SPAG16: variants seen among roughly 807,000 people sequenced by gnomAD.
The protein encoded by SPAG16 is sperm-associated antigen 16 protein.
In SPAG16, 86 loss-of-function variants were observed where a neutral mutation model predicts 80.4. That is an observed-to-expected ratio of 1.07 (90% CI 0.90 to 1.28). The LOEUF is 1.28. Ranked by LOEUF, SPAG16 falls within the 50% of genes most tolerant of loss-of-function variation. The probability of loss-of-function intolerance (pLI) is 0.00; values close to 1 mark genes in which losing one functional copy is unlikely to be tolerated. For missense variants in SPAG16, 870 were observed against 765.3 expected (o/e 1.14, Z -1.61); for synonymous variants, 294 against 265.9 (o/e 1.11, Z -1.03).
intron 15 of SPAG16, among the ~76,000 whole-genome samples, chr2:214,332,384 T>G (rs1312726291): frequency 1.3e-5 from 2 of 152,250 alleles, no homozygotes; most frequent in African/African-American, 4.8e-5. Flanking sequence ...CACACACAGC[T>G]CTGTTCCTGG....
chr2:213,933,117 A>G (rs1318319994), intron 12 of SPAG16, among the ~76,000 whole-genome samples: 1 of 152,188 alleles, frequency 6.6e-6, no homozygotes, highest in Non-Finnish European at 1.5e-5. Flanking sequence ...CATTTAAACT[A>G]CAATATAATT....
At chr2:213,699,451 G>C (rs2065308601) in intron 10 of SPAG16, among the ~76,000 whole-genome samples, 2 of 152,110 alleles carry the variant, frequency 1.3e-5, no homozygotes, top group Non-Finnish European at 2.9e-5. Context: ...ACTAAAGACA[G>C]CCCTAGAAAA....
rs566732615 is a variant in SPAG16 at position 213,300,829 on chromosome 2, T to C, written c.279+3472T>C. On this transcript the variant is annotated intron_variant, in intron 3 of 15. Coordinates refer to ENST00000331683, the MANE Select transcript of SPAG16 (RefSeq NM_024532.5). ...GTCTGGAGTACTCAATAATTTTTAA[T>C]AGTATAAAGTGTTGCGAGAACATAA... Among the ~76,000 whole-genome samples, 10 of 152,268 alleles carry C rather than the reference T, an allele frequency of 6.6e-5. No homozygotes were observed. In the East Asian group the frequency reaches 1.3e-3, roughly 21 times the overall value.
chr2:214,372,742 G>C (rs190849433), intron 15 of SPAG16, among the ~76,000 whole-genome samples: 51 of 152,196 alleles, frequency 3.4e-4, no homozygotes, highest in African/African-American at 1.2e-3. Flanking sequence ...CTTGATAAAA[G>C]GATTAAGGAA....
rs560946317 is a variant in SPAG16 at position 213,753,159 on chromosome 2, C to A, written c.1071-109326C>A. Among the ~76,000 whole-genome samples the A allele has an allele frequency of 2.0e-5, 3 of 152,192 alleles. No homozygotes were observed. The South Asian group carries it at 6.2e-4, about 32-fold the overall frequency. On this transcript the variant is annotated intron_variant, in intron 10 of 15. Coordinates refer to ENST00000331683, the MANE Select transcript of SPAG16 (RefSeq NM_024532.5). ...TCCCGAGTAGCTGGGACTACAGGTG[C>A]CCGTCACCACGCCCGGCTAATTTTT... is the stretch of plus-strand genomic sequence containing the variant.
At chr2:214,328,636 A>G (rs890767698) in intron 15 of SPAG16, among the ~76,000 whole-genome samples, 3 of 152,228 alleles carry the variant, frequency 2.0e-5, no homozygotes, top group Admixed American at 6.5e-5. Flanking sequence ...CTCAAATTCT[A>G]TCTATCTTTA....
intron 11 of SPAG16, among the ~76,000 whole-genome samples, chr2:213,876,053 G>T (rs2076128918): frequency 6.6e-6 from 1 of 151,950 alleles, no homozygotes; most frequent in Non-Finnish European, 1.5e-5. Flanking sequence ...CTTTGATGAA[G>T]AAAATAAGAA....
At chr2:213,832,975 T>C (rs944503466) in intron 10 of SPAG16, among the ~76,000 whole-genome samples, 2 of 152,164 alleles carry the variant, frequency 1.3e-5, no homozygotes, top group Non-Finnish European at 2.9e-5. Context: ...AATTCTGCTA[T>C]GAAATTTGTA....
intron 9 of SPAG16, among the ~76,000 whole-genome samples, chr2:213,440,109 T>TTGTG (rs61263090): frequency 6.6e-6 from 1 of 151,650 alleles, no homozygotes; most frequent in African/African-American, 2.4e-5. Flanking sequence ...TCCTGCAGTT[T>TTGTG]TGTGTGTGTG....
At chr2:214,247,917 A>G (rs1342996500) in intron 15 of SPAG16, among the ~76,000 whole-genome samples, 1 of 151,976 alleles carries the variant, frequency 6.6e-6, no homozygotes, top group East Asian at 1.9e-4. Context: ...AATCCAAGCT[A>G]CTCAGGATGC....
chr2:214,070,950 T>C (rs543138176), intron 13 of SPAG16, among the ~76,000 whole-genome samples: 11 of 152,192 alleles, frequency 7.2e-5, no homozygotes, highest in African/African-American at 2.6e-4. Flanking sequence ...AAAATATGGC[T>C]GAGTCAACTA....
intron 13 of SPAG16, among the ~76,000 whole-genome samples, chr2:214,017,444 T>C (rs560029333): frequency 6.6e-6 from 1 of 152,266 alleles, no homozygotes; most frequent in African/African-American, 2.4e-5. Context: ...CAAGGTTTTT[T>C]TCTCTCTCTC....
chr2:213,445,177 T>C (rs2071216893), intron 9 of SPAG16, among the ~76,000 whole-genome samples: 1 of 152,068 alleles, frequency 6.6e-6, no homozygotes, highest in African/African-American at 2.4e-5. Flanking sequence ...CTAAAAATCT[T>C]CTGCGCAACA....
intron 9 of SPAG16, among the ~76,000 whole-genome samples, chr2:213,419,313 TATTTGTACAC>T (rs2069452743): frequency 6.6e-6 from 1 of 152,210 alleles, no homozygotes; most frequent in Non-Finnish European, 1.5e-5. Context: ...GTTTTCTTTG[TATTTGTACAC>T]ATTTTAATTT....
At chr2:213,378,149 C>T (rs149586924) in intron 9 of SPAG16, among the ~76,000 whole-genome samples, 2,629 of 152,102 alleles carry the variant, frequency 0.017, 48 homozygotes, top group Admixed American at 0.038. Context: ...CATTTTTCTG[C>T]CTGCTTTATA....
At chr2:213,897,155 G>T (rs1247452987) in intron 11 of SPAG16, among the ~76,000 whole-genome samples, 1 of 152,060 alleles carries the variant, frequency 6.6e-6, no homozygotes, top group African/African-American at 2.4e-5. Flanking sequence ...CCAATTATAT[G>T]AGTGTATTAA....
intron 15 of SPAG16, among the ~76,000 whole-genome samples, chr2:214,214,577 T>C (rs2058380781): frequency 6.6e-6 from 1 of 152,134 alleles, no homozygotes. Flanking sequence ...TGCCTATTCT[T>C]ATAAATATCA....
chr2:213,407,830 G>GATAGAGAGAGAGGAGAGAGGC (rs2068727172), intron 9 of SPAG16, among the ~76,000 whole-genome samples: 1 of 99,130 alleles, frequency 1.0e-5, no homozygotes, highest in Non-Finnish European at 2.4e-5. Context: ...GAGAGAGGCA[G>GATAGAGAGAGAGGAGAGAGGC]AGAGAGAGAG....
chr2:214,254,829 T>C (rs1234544282), intron 15 of SPAG16, among the ~76,000 whole-genome samples: 1 of 152,070 alleles, frequency 6.6e-6, no homozygotes, highest in East Asian at 1.9e-4. Flanking sequence ...AGAGGTATTT[T>C]TAAAACTAAG....
Sources: gnomAD v4.1 joint callset for allele counts (sites outside exome capture counted in the v4.1 genomes callset) on GRCh38, gnomAD v4.1.1 for gene constraint, MANE v1.5 for transcripts, NCBI Gene and HGNC (gene_info 2026-07-23, HGNC 2026-07-21) for gene names.